The following ARFGEF1 variants were observed in gnomAD, a reference collection of about 807,000 sequenced individuals.
ARFGEF1 encodes the protein ARF guanine nucleotide exchange factor 1.
A neutral mutation model predicts 231.0 loss-of-function variants in ARFGEF1; 42 were observed. The observed-to-expected ratio is 0.18, with a 90% CI of 0.14 to 0.24. The LOEUF (loss-of-function observed/expected upper bound fraction) is 0.24. ARFGEF1 is among the 10% of genes least tolerant of loss of function. The pLI is 1.00. For missense variants in ARFGEF1, 1,345 were observed against 2,192.0 expected (o/e 0.61, Z 7.72); for synonymous variants, 710 against 732.3 (o/e 0.97, Z 0.49).
intron 9 of ARFGEF1, among the ~76,000 whole-genome samples, chr8:67,273,419 C>CTTTTTAAAA (rs1805182303): frequency 1.8e-5 from 1 of 56,610 alleles, no homozygotes; most frequent in Admixed American, 2.3e-4. Flanking sequence ...TTTTTTTTCC[C>CTTTTTAAAA]AAAAAAAAAA....
intron 1 of ARFGEF1, among the ~76,000 whole-genome samples, chr8:67,332,734 A>T (rs1334830873): frequency 6.6e-6 from 1 of 152,154 alleles, no homozygotes; most frequent in Admixed American, 6.5e-5. Flanking sequence ...ACTTACAAAC[A>T]TGTAGTACTG....
intron 1 of ARFGEF1, among the ~76,000 whole-genome samples, chr8:67,309,117 A>T (rs1481831866): frequency 1.3e-5 from 2 of 152,240 alleles, no homozygotes; most frequent in Non-Finnish European, 2.9e-5. Flanking sequence ...GCAAGATATT[A>T]CACTAAGTGA....
intron 1 of ARFGEF1, among the ~76,000 whole-genome samples, chr8:67,309,203 TA>T (rs1298377215): frequency 6.6e-6 from 1 of 152,144 alleles, no homozygotes; most frequent in Non-Finnish European, 1.5e-5. Context: ...ATGTGGAATC[TA>T]AAAAAGTCAA....
intron 4 of ARFGEF1, among the ~76,000 whole-genome samples, 177 bp downstream of exon 4, chr8:67,299,032 A>G (rs1004659148): frequency 2.4e-4 from 37 of 152,086 alleles, no homozygotes; most frequent in African/African-American, 8.9e-4. Flanking sequence ...GATCCGCCCA[A>G]CTTGGCCTCC....
intron 19 of ARFGEF1, among the ~76,000 whole-genome samples, chr8:67,247,292 A>G (rs531407223): frequency 1.3e-5 from 2 of 150,450 alleles, no homozygotes; most frequent in South Asian, 4.2e-4. Flanking sequence ...ACATTAAAAA[A>G]AAAATTGCAG....
At chr8:67,217,161 A>T (rs1263490573) in intron 32 of ARFGEF1, among the ~76,000 whole-genome samples, 3 of 152,010 alleles carry the variant, frequency 2.0e-5, no homozygotes, top group Non-Finnish European at 4.4e-5. Context: ...AAAATTAGCC[A>T]GGCATGGTGG....
At chr8:67,195,248 C>CAA (rs1053473488), downstream of ARFGEF1, 23 of 720,154 alleles carry the variant, frequency 3.2e-5, no homozygotes, top group East Asian at 1.2e-4. Flanking sequence ...CCAAAACAAA[C>CAA]AAACAGTAGA....
rs555286091 is a variant in ARFGEF1 at position 67,259,213 on chromosome 8, A to G, written c.2235+602T>C. On this transcript the variant is annotated intron_variant, in intron 15 of 38. Coordinates refer to ENST00000262215, the MANE Select transcript of ARFGEF1 (RefSeq NM_006421.5). ...CGGAGGACCAATTAGAGATGATTAT[A>G]TTATAACCAAGACATCTTTCTGTTT... 4.6e-5 allele frequency among the ~76,000 whole-genome samples: 7 copies of G among 152,296 alleles called. No homozygotes were observed. In the East Asian group the frequency reaches 1.4e-3, roughly 29 times the overall value.
intron 1 of ARFGEF1, among the ~76,000 whole-genome samples, chr8:67,325,107 T>C (rs1392488999): frequency 6.6e-6 from 1 of 152,084 alleles, no homozygotes; most frequent in Admixed American, 6.6e-5. Context: ...GATACGGGGT[T>C]TCTCCATGAT....
intron 1 of ARFGEF1, among the ~76,000 whole-genome samples, chr8:67,322,073 G>C (rs16933261): frequency 0.016 from 2,465 of 152,176 alleles, 68 homozygotes; most frequent in African/African-American, 0.057. Flanking sequence ...TGCTCAAATG[G>C]TGTCCTCTGC....
At chr8:67,309,417 C>T (rs538229831) in intron 1 of ARFGEF1, among the ~76,000 whole-genome samples, 26 of 152,126 alleles carry the variant, frequency 1.7e-4, no homozygotes, top group Non-Finnish European at 2.6e-4. Flanking sequence ...ACATAGTATG[C>T]AGACATTTAA....
Position 67,228,495 on chromosome 8 carries a change from AG to A in ARFGEF1, c.3381-232del, listed in dbSNP as rs1839451689. Among the ~76,000 whole-genome samples, 5 of 152,090 alleles carry A rather than the reference AG, an allele frequency of 3.3e-5. No individual in the cohort carries two copies. The South Asian group carries it at 1.0e-3, about 32-fold the overall frequency. ...CCAGTTTACATTCAATATTATTATT[AG>A]GGTAAGTATATACTGCTGTAATTTT... On this transcript the variant is annotated intron_variant, in intron 23 of 38. Transcript: ENST00000262215.
chr8:67,204,462 G>A (rs1028815361), intron 35 of ARFGEF1, among the ~76,000 whole-genome samples: 1 of 152,152 alleles, frequency 6.6e-6, no homozygotes, highest in African/African-American at 2.4e-5. Context: ...ATCTCCAGGA[G>A]CTGTAGAGGA....
chr8:67,228,973 G>T (rs1404007334), intron 23 of ARFGEF1, among the ~76,000 whole-genome samples: 1 of 152,028 alleles, frequency 6.6e-6, no homozygotes, highest in African/African-American at 2.4e-5. Flanking sequence ...CAAGAAGGAT[G>T]ACATTCCTCA....
chr8:67,276,115 C>T lies in ARFGEF1; in HGVS notation c.1204-6G>A. On this transcript the variant is annotated splice_polypyrimidine_tract_variant and splice_region_variant and intron_variant, in intron 8 of 38. Coordinates refer to ENST00000262215, the MANE Select transcript of ARFGEF1 (RefSeq NM_006421.5). ...CCTGAAGAATTTCCAGATTCCTAAACAAGTTAACATACCATGAAAATTTTA... is the reference window on the plus strand; with the variant it reads ...CCTGAAGAATTTCCAGATTCCTAAATAAGTTAACATACCATGAAAATTTTA... 2 of 1,612,614 alleles carry T rather than the reference C, an allele frequency of 1.2e-6. No homozygotes were observed. Among genetic ancestry groups the T allele is most frequent in the Non-Finnish European group, 8.5e-7 (1 of 1,179,068 alleles).
chr8:67,218,201 AAAAAAAATATATAT>A, intron 30 of ARFGEF1, 63 bp from the exon 31 acceptor site: 1 of 180,432 alleles, frequency 5.5e-6, no homozygotes, highest in Non-Finnish European at 8.1e-6. Flanking sequence ...TAAAAAAAAA[AAAAAAAATATATAT>A]ATATATATAT....
intron 7 of ARFGEF1, among the ~76,000 whole-genome samples, chr8:67,282,182 A>G (rs1252996177): frequency 1.3e-5 from 2 of 152,148 alleles, no homozygotes; most frequent in African/African-American, 4.8e-5. Flanking sequence ...TGAAAATCAA[A>G]ATGTACTATA....
intron 19 of ARFGEF1, among the ~76,000 whole-genome samples, chr8:67,247,509 T>C (rs936387854): frequency 2.7e-5 from 4 of 150,374 alleles, no homozygotes; most frequent in East Asian, 1.9e-4. Context: ...TTTCAATTGA[T>C]TGAAAAAGCA....
At chr8:67,235,937 T>C (rs1444889220) in intron 22 of ARFGEF1, among the ~76,000 whole-genome samples, 1 of 152,038 alleles carries the variant, frequency 6.6e-6, no homozygotes, top group Non-Finnish European at 1.5e-5. Context: ...GAAAGTATGA[T>C]AAATATATAC....
Sources: allele counts gnomAD v4.1 joint callset (sites outside exome capture counted in the v4.1 genomes callset), GRCh38; gene constraint gnomAD v4.1.1; transcripts MANE v1.5; gene names NCBI Gene and HGNC (gene_info 2026-07-23, HGNC 2026-07-21).